SNHG17: variants seen among roughly 807,000 people sequenced by gnomAD.
SNHG17 encodes the protein small nucleolar RNA host gene 17 (non-protein coding).
chr20:38,431,936 GA>G (rs978796010), intron 2 of SNHG17: 6 of 907,936 alleles, frequency 6.6e-6, no homozygotes, highest in Non-Finnish European at 7.9e-6. Flanking sequence ...CACGCCCAGG[GA>G]ACCTGCATGC....
exon 8 of SNHG17, chr20:38,420,671 T>C (rs143321487): frequency 8.5e-5 from 13 of 152,290 alleles, no homozygotes; most frequent in African/African-American, 3.1e-4. Context: ...TCTTGGTTAT[T>C]AAAGTCATTC....
chr20:38,433,984 C>T (rs771433193), intron 2 of SNHG17: 24 of 518,984 alleles, frequency 4.6e-5, no homozygotes, highest in South Asian at 3.4e-4. Context: ...CCCACGATCA[C>T]TTTCGAATAC....
At chr20:38,427,318 G>A in intron 3 of SNHG17, 2 of 508,496 alleles carry the variant, frequency 3.9e-6, no homozygotes, top group Middle Eastern at 3.3e-4. Context: ...TTGTGTGAAA[G>A]CTTCAGGGTT....
In SNHG17 at chr20:38,423,703, T is replaced by C. The variant is rs181305318; in HGVS notation, n.580-1462A>G. Among the ~76,000 whole-genome samples, 468 of 151,928 alleles carry C rather than the reference T, an allele frequency of 3.1e-3. 6 individuals carry two copies. The highest frequency in any genetic ancestry group is 0.011 in the African/African-American group (454 of 41,440). On this transcript the variant is annotated intron_variant and non_coding_transcript_variant, in intron 5 of 8. Coordinates refer to ENST00000654008, the Ensembl canonical transcript of SNHG17. ...AAGTCTAGAGGGCTCACGCACAACA[T>C]AAGGGATTTCTGTGAAGCAGGTTTC...
At chr20:38,429,872 G>A in intron 3 of SNHG17, 1 of 494,516 alleles carries the variant, frequency 2.0e-6, no homozygotes, top group Non-Finnish European at 4.0e-6. Context: ...GTCTCACCTG[G>A]AACAGAACAG....
intron 3 of SNHG17, chr20:38,429,721 G>C (rs765917995): frequency 2.0e-6 from 1 of 511,654 alleles, no homozygotes; most frequent in African/African-American, 1.9e-5. Flanking sequence ...CTCCAAACAC[G>C]GGGAAGTGCT....
chr20:38,421,364 C>T (rs1483316662), intron 6 of SNHG17: 1 of 152,222 alleles, frequency 6.6e-6, no homozygotes, highest in Non-Finnish European at 1.5e-5. Context: ...GCAACTTTCT[C>T]CATTTGTTCG....
In SNHG17 at chr20:38,433,028, AG is replaced by A. The variant is rs374743862; in HGVS notation, n.308+1475del. Among the ~76,000 whole-genome samples, 24 of 152,192 alleles carry A rather than the reference AG, an allele frequency of 1.6e-4. No individual in the cohort carries two copies. In the East Asian group the frequency reaches 4.3e-3, roughly 27 times the overall value. On this transcript the variant is annotated intron_variant and non_coding_transcript_variant, in intron 2 of 8. Transcript: ENST00000654008. ...CACTCTGTCGCCTAGGCTGGAGTGC[AG>A]GGGCATGATCTTGGCTCACTGCAAC...
chr20:38,422,309 A>G (rs957210867), intron 5 of SNHG17: 5 of 152,416 alleles, frequency 3.3e-5, no homozygotes, highest in Non-Finnish European at 5.9e-5. Context: ...CCCATGGTCC[A>G]GCGCCCTGCT....
chr20:38,433,816 A>C (rs760754201), intron 2 of SNHG17: 1 of 519,106 alleles, frequency 1.9e-6, no homozygotes, highest in Admixed American at 1.9e-5. Flanking sequence ...AGCACTCACT[A>C]ATAAGACACC....
chr20:38,422,629 A>C (rs549888729), intron 5 of SNHG17, among the ~76,000 whole-genome samples: 2 of 152,270 alleles, frequency 1.3e-5, no homozygotes, highest in South Asian at 4.1e-4. Flanking sequence ...TGGAGATCAA[A>C]TCACACCTCA....
chr20:38,427,240 C>A (rs1025098552), intron 3 of SNHG17: 1 of 417,342 alleles, frequency 2.4e-6, no homozygotes, highest in South Asian at 1.8e-5. Flanking sequence ...TGCCCCCCCG[C>A]ACTGACTTTC....
chr20:38,426,630 C>A (rs1203863920), intron 3 of SNHG17: 1 of 151,112 alleles, frequency 6.6e-6, no homozygotes, highest in African/African-American at 2.4e-5. Flanking sequence ...TCAGTGACTT[C>A]CCCTTGGTCC....
At chr20:38,423,433 AAGAT>A (rs1026810838) in intron 5 of SNHG17, among the ~76,000 whole-genome samples, 2 of 148,028 alleles carry the variant, frequency 1.4e-5, no homozygotes, top group African/African-American at 4.9e-5. Flanking sequence ...AAAAAAGAAA[AAGAT>A]AGAGAAAGAT....
chr20:38,434,828 C>T (rs1405382172), intron 1 of SNHG17: 2 of 984,994 alleles, frequency 2.0e-6, no homozygotes, highest in Non-Finnish European at 2.4e-6. Context: ...GGCACAATGA[C>T]TGGCACTTTG....
intron 2 of SNHG17, among the ~76,000 whole-genome samples, chr20:38,432,354 T>C (rs1311195831): frequency 6.6e-6 from 1 of 152,136 alleles, no homozygotes; most frequent in African/African-American, 2.4e-5. Flanking sequence ...CTAGGACAGG[T>C]TCTGGTGTGG....
intron 2 of SNHG17, chr20:38,433,814 C>T (rs1353438519): frequency 5.8e-6 from 3 of 519,060 alleles, no homozygotes; most frequent in South Asian, 4.2e-5. Flanking sequence ...GGAGCACTCA[C>T]TAATAAGACA....
At chr20:38,432,509 C>T (rs2084356167) in intron 2 of SNHG17, among the ~76,000 whole-genome samples, 1 of 152,198 alleles carries the variant, frequency 6.6e-6, no homozygotes, top group Non-Finnish European at 1.5e-5. Flanking sequence ...TGGTCGCTGA[C>T]ATCACAATGA....
intron 4 of SNHG17, among the ~76,000 whole-genome samples, chr20:38,426,225 T>C (rs1459291940): frequency 1.3e-5 from 2 of 152,112 alleles, no homozygotes; most frequent in South Asian, 4.1e-4. Context: ...AGGGGAGCTC[T>C]GTAAGCCCCA....
Sources: allele counts gnomAD v4.1 joint callset (sites outside exome capture counted in the v4.1 genomes callset), GRCh38; gene constraint gnomAD v4.1.1; transcripts MANE v1.5; gene names NCBI Gene and HGNC (gene_info 2026-07-23, HGNC 2026-07-21).